CTSC: variants seen among roughly 807,000 people sequenced by gnomAD.
CTSC encodes the protein dipeptidyl peptidase 1.
CTSC carries 37 observed loss-of-function variants against 40.9 expected under a neutral mutation model. The ratio of observed to expected loss-of-function variants is 0.91; its 90% CI spans 0.70 to 1.19. The LOEUF (loss-of-function observed/expected upper bound fraction) is 1.19, where lower values mean the gene tolerates loss of function less well. CTSC is among the 50% of genes most tolerant of loss of function. The pLI, the probability that CTSC is intolerant of heterozygous loss-of-function variation, is 0.00. For synonymous variants in CTSC, 232 were observed against 207.4 expected, an observed-to-expected ratio of 1.12 and a Z score of -1.02; for missense variants, 594 against 567.3, an observed-to-expected ratio of 1.05 and a Z score of -0.48.
intron 2 of CTSC, among the ~76,000 whole-genome samples, chr11:88,327,677 T>G (rs1938229203): frequency 6.6e-6 from 1 of 152,220 alleles, no homozygotes; most frequent in Non-Finnish European, 1.5e-5. Flanking sequence ...AAAGCCACCT[T>G]CTCTGTGGAA....
At chr11:88,309,929 C>T (rs1937713916) in intron 3 of CTSC, among the ~76,000 whole-genome samples, 2 of 152,076 alleles carry the variant, frequency 1.3e-5, no homozygotes, top group African/African-American at 4.8e-5. Flanking sequence ...CTACTCCCTA[C>T]AGTTTCTACA....
intron 4 of CTSC, among the ~76,000 whole-genome samples, chr11:88,302,119 T>C (rs919318387): frequency 6.6e-6 from 1 of 152,204 alleles, no homozygotes; most frequent in Non-Finnish European, 1.5e-5. Context: ...GTAAAAATTA[T>C]TTTTTGTTAC....
intron 2 of CTSC, among the ~76,000 whole-genome samples, chr11:88,314,744 T>G (rs982943885): frequency 6.6e-6 from 1 of 152,142 alleles, no homozygotes; most frequent in South Asian, 2.1e-4. Context: ...GCCAGGCTGG[T>G]CTCAAACTCC....
intron 4 of CTSC, among the ~76,000 whole-genome samples, chr11:88,303,135 ATT>A (rs1040730926): frequency 6.6e-6 from 1 of 151,906 alleles, no homozygotes; most frequent in African/African-American, 2.4e-5. Context: ...AAGAAACTCA[ATT>A]TTTTTTTAAT....
rs1944349846 is a variant in CTSC at position 88,300,662 on chromosome 11, C to T, written c.642-17G>A. The T allele has an allele frequency of 7.3e-7, 1 of 1,371,252 alleles. No homozygotes were observed. The highest frequency in any genetic ancestry group is 1.0e-6 in the Non-Finnish European group (1 of 958,622). The allele number at this position is 1,371,252 out of a possible 1,614,324, so 84.9% of individuals were successfully genotyped here. A position where few individuals can be genotyped will look rare whatever the true frequency, so the allele number is the denominator to read the frequency against. On this transcript the variant is annotated splice_polypyrimidine_tract_variant and intron_variant, in intron 4 of 6. Transcript: ENST00000227266. ...GGTTTGGGCCTAGAAAGGAAATATA[C>T]ATTTGATATCAACATATAATCTTTC... is the stretch of plus-strand genomic sequence containing the variant.
At chr11:88,325,832 T>C in intron 2 of CTSC, 1 of 985,966 alleles carries the variant, frequency 1.0e-6, no homozygotes, top group Non-Finnish European at 1.2e-6. Flanking sequence ...TTTAAATATG[T>C]CCTCCATAGG....
intron 4 of CTSC, among the ~76,000 whole-genome samples, chr11:88,306,752 G>C (rs1937642470): frequency 6.6e-6 from 1 of 152,218 alleles, no homozygotes; most frequent in Non-Finnish European, 1.5e-5. Flanking sequence ...CACTGAGCAA[G>C]AACTTAGGCT....
At chr11:88,318,537 C>T (rs1159347320) in intron 2 of CTSC, among the ~76,000 whole-genome samples, 6 of 152,194 alleles carry the variant, frequency 3.9e-5, no homozygotes, top group Non-Finnish European at 8.8e-5. Context: ...ACACTGGGAC[C>T]TATCCTTTCA....
Position 88,300,594 on chromosome 11 carries a change from C to T in CTSC, c.693G>A (p.Leu231=). 6.2e-7 allele frequency: 1 copy of T among 1,613,900 alleles called. No homozygotes were observed. The highest frequency in any genetic ancestry group is 2.2e-5 in the East Asian group (1 of 44,864). The stretch of plus-strand genomic sequence containing the variant: ...CATTTCTCCAGTCCCAAGATGTTGG[C>T]AAATGCAAAATCTTTTGCTGTATTT... ...TAEIQQKILH[L]PTSWDWRNVH... The change falls in exon 5 of 7, where the codon TTG becomes TTA. Residue 231 remains leucine (L), a synonymous_variant. Coordinates refer to ENST00000227266, the MANE Select transcript of CTSC (RefSeq NM_001814.6).
chr11:88,325,749 A>C, intron 2 of CTSC: 1 of 985,340 alleles, frequency 1.0e-6, no homozygotes. Context: ...GGCCAGAGGT[A>C]CTGGAGGTCT....
chr11:88,317,475 T>C (rs1318618128), intron 2 of CTSC, among the ~76,000 whole-genome samples: 2 of 152,196 alleles, frequency 1.3e-5, no homozygotes, highest in African/African-American at 2.4e-5. Flanking sequence ...CCTGAAATTA[T>C]TCTGTAAAAG....
At chr11:88,304,057 G>T (rs893382421) in intron 4 of CTSC, among the ~76,000 whole-genome samples, 1 of 152,030 alleles carries the variant, frequency 6.6e-6, no homozygotes, top group African/African-American at 2.4e-5. Flanking sequence ...TTAACTAGTT[G>T]TCTTGTTTAA....
chr11:88,312,248 G>T, intron 3 of CTSC, 140 bp downstream of exon 3: 1 of 775,234 alleles, frequency 1.3e-6, no homozygotes, highest in Non-Finnish European at 2.1e-6. Flanking sequence ...TATTTTTCCA[G>T]TAAGGTTTTA....
chr11:88,304,027 T>G (rs1937608288), intron 4 of CTSC, among the ~76,000 whole-genome samples: 1 of 151,998 alleles, frequency 6.6e-6, no homozygotes, highest in Admixed American at 6.6e-5. Context: ...CCAGGAACTG[T>G]GGACAAAATC....
intron 2 of CTSC, among the ~76,000 whole-genome samples, chr11:88,328,568 A>G (rs976457530): frequency 2.0e-5 from 3 of 152,232 alleles, no homozygotes; most frequent in Non-Finnish European, 4.4e-5. Context: ...ATTAATCACT[A>G]GCACACAAAG....
intron 2 of CTSC, among the ~76,000 whole-genome samples, chr11:88,329,738 T>C (rs1392733311): frequency 6.6e-6 from 1 of 152,184 alleles, no homozygotes; most frequent in East Asian, 1.9e-4. Flanking sequence ...GTGTTTTGTT[T>C]TGTTTGGAGA....
chr11:88,296,268 G>A lies in CTSC; in HGVS notation c.758-4C>T. 6.2e-7 allele frequency: 1 copy of A among 1,613,498 alleles called. No homozygotes were observed. Among genetic ancestry groups the A allele is most frequent in the South Asian group, 1.1e-5 (1 of 91,038 alleles). On this transcript the variant is annotated splice_region_variant and splice_polypyrimidine_tract_variant and intron_variant, in intron 5 of 6. Coordinates refer to ENST00000227266, the MANE Select transcript of CTSC (RefSeq NM_001814.6). ...GAGTAGCAGCTGCCACAGGATGCTG[G>A]CGATGAAAAAAAGACACATAATCCA... is the stretch of plus-strand genomic sequence containing the variant.
chr11:88,322,614 A>C (rs988761291), intron 2 of CTSC: 10 of 152,198 alleles, frequency 6.6e-5, no homozygotes, highest in African/African-American at 2.4e-4. Flanking sequence ...AGAAGTACAA[A>C]CAACCAACAG....
At chr11:88,328,003 T>C in intron 2 of CTSC, 1 of 781,794 alleles carries the variant, frequency 1.3e-6, no homozygotes, top group Non-Finnish European at 2.3e-6. Context: ...AACCATAATC[T>C]CTCCAGTCAC....
Sources: allele counts gnomAD v4.1 joint callset (sites outside exome capture counted in the v4.1 genomes callset), GRCh38; gene constraint gnomAD v4.1.1; transcripts MANE v1.5; gene names NCBI Gene and HGNC (gene_info 2026-07-23, HGNC 2026-07-21).